TIAM2: variants seen among roughly 807,000 people sequenced by gnomAD.
The protein encoded by TIAM2 is TIAM Rac1 associated GEF 2.
In TIAM2, 80 loss-of-function variants were observed where a neutral mutation model predicts 152.9. The ratio of observed to expected loss-of-function variants is 0.52; its 90% CI spans 0.44 to 0.63. The LOEUF (loss-of-function observed/expected upper bound fraction) is 0.63, where lower values mean the gene tolerates loss of function less well. Ranked by LOEUF, TIAM2 falls within the 30% of genes least tolerant of loss-of-function variation. The pLI is 0.00. For synonymous variants in TIAM2, 804 were observed against 838.0 expected (o/e 0.96, Z 0.70); for missense variants, 1,965 against 2,120.1 (o/e 0.93, Z 1.44).
intron 22 of TIAM2, 149 bp downstream of exon 22, chr6:155,251,170 A>G (rs745442063): frequency 4.5e-6 from 3 of 666,818 alleles, no homozygotes; most frequent in Non-Finnish European, 7.8e-6. Context: ...GCCCCCAACT[A>G]TTTGAAACTC....
chr6:155,253,810 T>C, intron 24 of TIAM2, 163 bp from the exon 25 acceptor site: 1 of 567,854 alleles, frequency 1.8e-6, no homozygotes, highest in Non-Finnish European at 3.1e-6. Context: ...TTTCAGTTCT[T>C]GTAACTGTGA....
Position 155,182,330 on chromosome 6 carries a change from A to T in TIAM2, c.2800+12A>T. On this transcript the variant is annotated intron_variant, in intron 13 of 26. Transcript: ENST00000682666. ...GGCGTATGGGGAAGGTCCGTGTGGC[A>T]CACCGTGCCCCTGTTGCCTCTTAAT... 8 of 1,609,036 alleles carry T rather than the reference A, an allele frequency of 5.0e-6. No homozygotes were observed. The highest frequency in any genetic ancestry group is 6.8e-6 in the Non-Finnish European group (8 of 1,175,518).
At chr6:155,220,339 A>G (rs1288839020) in intron 15 of TIAM2, among the ~76,000 whole-genome samples, 1 of 152,202 alleles carries the variant, frequency 6.6e-6, no homozygotes, top group Admixed American at 6.5e-5. Flanking sequence ...TGTTTTCTCT[A>G]TTAAACATGG....
chr6:155,256,385 AAAATCTT>A, intron 26 of TIAM2, 92 bp from the exon 27 acceptor site: 1 of 1,532,304 alleles, frequency 6.5e-7, no homozygotes, highest in Non-Finnish European at 8.8e-7. Flanking sequence ...ATCATAAAAT[AAAATCTT>A]AATGTTAAAT....
intron 7 of TIAM2, among the ~76,000 whole-genome samples, chr6:155,162,879 C>G (rs1780308936): frequency 6.6e-6 from 1 of 152,184 alleles, no homozygotes; most frequent in South Asian, 2.1e-4. Context: ...TGGAATGTCA[C>G]TGTTTTGCTG....
At chr6:155,037,883 T>C (rs1776951984) in intron 1 of TIAM2, among the ~76,000 whole-genome samples, 1 of 152,146 alleles carries the variant, frequency 6.6e-6, no homozygotes, top group Non-Finnish European at 1.5e-5. Flanking sequence ...CTGTTCTGCA[T>C]TTTTATCTGA....
At chr6:155,221,136 A>C (rs71544359) in intron 15 of TIAM2, among the ~76,000 whole-genome samples, 5 of 143,206 alleles carry the variant, frequency 3.5e-5, no homozygotes, top group African/African-American at 1.0e-4. Context: ...GAAAAAAAAA[A>C]AAACAAAAAA....
intron 1 of TIAM2, among the ~76,000 whole-genome samples, chr6:155,017,043 A>G (rs1202750630): frequency 6.6e-6 from 1 of 152,212 alleles, no homozygotes; most frequent in Non-Finnish European, 1.5e-5. Context: ...CAGAGAATTA[A>G]TATGTCAGTA....
chr6:155,176,442 C>A (rs1293816023), intron 9 of TIAM2, among the ~76,000 whole-genome samples: 1 of 152,218 alleles, frequency 6.6e-6, no homozygotes, highest in Non-Finnish European at 1.5e-5. Context: ...CCATGTTGGC[C>A]AGGCTGGTCT....
chr6:155,061,925 G>C (rs1468017516), intron 1 of TIAM2, among the ~76,000 whole-genome samples: 1 of 152,152 alleles, frequency 6.6e-6, no homozygotes, highest in African/African-American at 2.4e-5. Flanking sequence ...CCACAGTGCT[G>C]TACTGAACAG....
chr6:155,155,567 A>G (rs1263724866), intron 7 of TIAM2, among the ~76,000 whole-genome samples: 1 of 152,110 alleles, frequency 6.6e-6, no homozygotes, highest in Non-Finnish European at 1.5e-5. Flanking sequence ...CTCTGCCTCC[A>G]GGGTTCCAGT....
At chr6:155,209,717 G>A (rs186776389) in intron 14 of TIAM2, among the ~76,000 whole-genome samples, 242 of 152,288 alleles carry the variant, frequency 1.6e-3, no homozygotes, top group African/African-American at 5.3e-3. Flanking sequence ...TTAGGGTGTC[G>A]GAAGAGGTAA....
intron 1 of TIAM2, among the ~76,000 whole-genome samples, chr6:155,072,353 T>G (rs1281066844): frequency 1.3e-5 from 2 of 152,176 alleles, no homozygotes; most frequent in Non-Finnish European, 2.9e-5. Context: ...CTATGAGGGC[T>G]GAACGAACTC....
At chr6:155,111,630 G>A (rs1016420675) in intron 2 of TIAM2, among the ~76,000 whole-genome samples, 4 of 152,128 alleles carry the variant, frequency 2.6e-5, no homozygotes, top group Non-Finnish European at 4.4e-5. Flanking sequence ...GATAGGAGGG[G>A]CAGTTGCTCT....
Position 155,214,983 on chromosome 6 carries a change from G to A in TIAM2, c.3168+3676G>A, listed in dbSNP as rs1781817787. Among the ~76,000 whole-genome samples the A allele has an allele frequency of 6.6e-6, 1 of 152,110 alleles. No individual in the cohort carries two copies. The highest frequency in any genetic ancestry group is 1.5e-5 in the Non-Finnish European group (1 of 68,026). ...GAAAATCAAATCCTCCTGAAACACT[G>A]ATAGAGCAAGGCCATGTATTTAAAA... On this transcript the variant is annotated intron_variant, in intron 15 of 26. Transcript: ENST00000682666. The surrounding 1 kb of genome is among the most constrained non-coding windows in gnomAD (Gnocchi z 5.4).
chr6:155,082,687 A>AATAAATAAATAAATAAATAT (rs1778092896), intron 1 of TIAM2, among the ~76,000 whole-genome samples: 2 of 151,436 alleles, frequency 1.3e-5, no homozygotes, highest in Non-Finnish European at 2.9e-5. Context: ...TAAATAAATA[A>AATAAATAAATAAATAAATAT]ATAAATAAAT....
chr6:155,080,134 C>G (rs1363481528), intron 1 of TIAM2, among the ~76,000 whole-genome samples: 1 of 152,058 alleles, frequency 6.6e-6, no homozygotes, highest in Non-Finnish European at 1.5e-5. Context: ...TGTTTTTCTC[C>G]CTTGCCAGAG....
chr6:155,018,517 G>T lies in TIAM2; in HGVS notation c.-209+23025G>T, dbSNP rs996527218. 9.2e-5 allele frequency among the ~76,000 whole-genome samples: 14 copies of T among 151,398 alleles called. No individual in the cohort carries two copies. In the Middle Eastern group the frequency reaches 0.01, roughly 110 times the overall value. On this transcript the variant is annotated intron_variant, in intron 1 of 26. Transcript: ENST00000682666. ...TCCTGTAATCCCAGCTACTCAGGAG[G>T]CTGAGGCACAAGAATTGCTTGAACC...
rs1462864777 is a variant in TIAM2, at chr6:155,250,939, T to C, written c.3978T>C (p.Leu1326=). Residue 1326 remains leucine, a synonymous_variant, in exon 22 of 27, where the codon CTT becomes CTC. Coordinates refer to ENST00000682666, the MANE Select transcript of TIAM2 (RefSeq NM_012454.4). ...TAACAGAACTTTCGATGGGAGAGCT[T>C]CTGATGCACTCTACGGTTTCCTGGT... ...KEVTELSMGE[L]LMHSTVSWLN... 6.2e-7 allele frequency: 1 copy of C among 1,614,128 alleles called. No individual in the cohort carries two copies. Among genetic ancestry groups the C allele is most frequent in the African/African-American group, 1.3e-5 (1 of 74,954 alleles).
Sources: gnomAD v4.1 joint callset for allele counts (sites outside exome capture counted in the v4.1 genomes callset) on GRCh38, gnomAD v4.1.1 for gene constraint, Gnocchi (gnomAD v3.1) non-coding constraint, MANE v1.5 for transcripts, NCBI Gene and HGNC (gene_info 2026-07-23, HGNC 2026-07-21) for gene names.